The following GFPT1 variants were observed in gnomAD, a reference collection of about 807,000 sequenced individuals.
GFPT1 encodes the protein glutamine--fructose-6-phosphate transaminase 1.
Under a neutral mutation model 92.0 loss-of-function variants are expected in GFPT1, and 40 were observed. That is an observed-to-expected ratio of 0.43 (90% CI 0.34 to 0.57). The LOEUF is 0.57. Among genes scored for constraint, GFPT1 ranks in the 20% least tolerant of loss-of-function variants. The pLI is 0.02. For synonymous variants in GFPT1, 269 were observed against 280.6 expected (o/e 0.96, Z 0.41); for missense variants, 448 against 869.1 (o/e 0.52, Z 6.09).
chr2:69,338,151 T>A, intron 14 of GFPT1, 96 bp from the exon 15 acceptor site: 1 of 1,074,302 alleles, frequency 9.3e-7, no homozygotes, highest in Non-Finnish European at 1.4e-6. Context: ...TTCAACAATA[T>A]TACTTGTTTT....
At chr2:69,338,869 G>A (rs1212755212) in intron 13 of GFPT1, among the ~76,000 whole-genome samples, 1 of 141,910 alleles carries the variant, frequency 7.0e-6, no homozygotes, top group African/African-American at 2.7e-5. Context: ...GTGCCATCTC[G>A]GCTCACCGTA....
intron 9 of GFPT1, 36 bp from the exon 10 acceptor site, chr2:69,350,219 T>C: frequency 3.1e-6 from 4 of 1,291,136 alleles, no homozygotes; most frequent in Non-Finnish European, 4.5e-6. Context: ...GGCAAACATG[T>C]AGAAAATCAT....
intron 4 of GFPT1, among the ~76,000 whole-genome samples, chr2:69,359,702 T>C (rs773518382): frequency 3.3e-5 from 5 of 152,228 alleles, no homozygotes; most frequent in African/African-American, 1.2e-4. Flanking sequence ...TAAATATTCT[T>C]CTTATTTCTC....
intron 3 of GFPT1, among the ~76,000 whole-genome samples, chr2:69,367,030 T>C (rs908388936): frequency 2.0e-5 from 3 of 152,218 alleles, no homozygotes; most frequent in African/African-American, 4.8e-5. Context: ...AGATCTAAAA[T>C]GTAAAAAATC....
rs199908059 is a variant in GFPT1, at chr2:69,358,288, T to A, written c.543+41A>T. The A allele has an allele frequency of 5.5e-5, 86 of 1,556,534 alleles. No individual in the cohort carries two copies. The African/African-American group carries it at 8.8e-4, about 16-fold the overall frequency. On this transcript the variant is annotated intron_variant, in intron 6 of 19. Transcript: ENST00000357308. ...TTAATTTCCAGAAAGTTTCTCAGCA[T>A]TAATGTTGGCATAATTATCTTTAAA...
rs537658825 is a variant in GFPT1 at position 69,357,946 on chromosome 2, G to T, written c.543+383C>A. ...GTGGTAGCTGTGAAGCTACTATTGT[G>T]CTAAGTTATTGGTTGAGAAGAACAC... On this transcript the variant is annotated intron_variant, in intron 6 of 19. Coordinates refer to ENST00000357308, the MANE Select transcript of GFPT1 (RefSeq NM_001244710.2). 2.6e-5 allele frequency among the ~76,000 whole-genome samples: 4 copies of T among 152,258 alleles called. No homozygotes were observed. In the East Asian group the frequency reaches 7.7e-4, roughly 29 times the overall value.
chr2:69,360,891 T>C (rs1671456909), intron 4 of GFPT1, among the ~76,000 whole-genome samples: 2 of 151,992 alleles, frequency 1.3e-5, no homozygotes, highest in Non-Finnish European at 1.5e-5. Flanking sequence ...CATGCCACCA[T>C]ACCCAGCTAA....
chr2:69,374,121 T>A lies in GFPT1; in HGVS notation c.8-8A>T. The A allele has an allele frequency of 7.7e-7, 1 of 1,295,876 alleles. No individual in the cohort carries two copies. Among genetic ancestry groups the A allele is most frequent in the Non-Finnish European group, 1.1e-6 (1 of 894,864 alleles). 80.3% of individuals were successfully genotyped at this position (1,295,876 alleles called of 1,614,324 possible). A position where few individuals can be genotyped will look rare whatever the true frequency, so the allele number is the denominator to read the frequency against. The stretch of plus-strand genomic sequence containing the variant: ...TTAAGTAAGCAAATATACCTGCAAA[T>A]AAACAAATATTTAATGAAAAATTCT... On this transcript the variant is annotated splice_polypyrimidine_tract_variant and splice_region_variant and intron_variant, in intron 1 of 19. Coordinates refer to ENST00000357308, the MANE Select transcript of GFPT1 (RefSeq NM_001244710.2).
At chr2:69,350,269 G>T in intron 9 of GFPT1, 86 bp from the exon 10 acceptor site, 1 of 904,572 alleles carries the variant, frequency 1.1e-6, no homozygotes. Context: ...ATAAAATCAA[G>T]AAAAAATCAT....
intron 12 of GFPT1, among the ~76,000 whole-genome samples, chr2:69,345,189 G>C (rs979076260): frequency 6.6e-6 from 1 of 152,062 alleles, no homozygotes; most frequent in East Asian, 1.9e-4. Context: ...CCGGGAGGCA[G>C]CAGTTGCGGT....
At chr2:69,360,485 C>T (rs1462371071) in intron 4 of GFPT1, among the ~76,000 whole-genome samples, 2 of 146,974 alleles carry the variant, frequency 1.4e-5, no homozygotes, top group East Asian at 3.9e-4. Context: ...TGTCACCAAG[C>T]TGGAGTACAG....
intron 1 of GFPT1, among the ~76,000 whole-genome samples, chr2:69,375,387 T>G (rs1671846885): frequency 6.6e-6 from 1 of 152,164 alleles, no homozygotes; most frequent in Non-Finnish European, 1.5e-5. Context: ...TTCTATAGAG[T>G]GTGATCCTAC....
At chr2:69,342,041 A>G in intron 13 of GFPT1, 111 bp downstream of exon 13, 2 of 626,544 alleles carry the variant, frequency 3.2e-6, no homozygotes, top group Middle Eastern at 3.0e-4. Flanking sequence ...CAAAAGGGAA[A>G]AGATAACACA....
At position 69,325,952 on chromosome 2, in the gene GFPT1, C is replaced by T; in HGVS notation, c.*237G>A. ...AAAGAAAATAATAGCTAGAATCTTT[C>T]TGATACAGATTCCAATATAGATTCC... is the stretch of plus-strand genomic sequence containing the variant. On this transcript the variant is annotated 3_prime_UTR_variant, in exon 20 of 20. Coordinates refer to ENST00000357308, the MANE Select transcript of GFPT1 (RefSeq NM_001244710.2). 2.1e-6 allele frequency: 1 copy of T among 465,828 alleles called. No homozygotes were observed. Among genetic ancestry groups the T allele is most frequent in the South Asian group, 3.5e-5 (1 of 28,390 alleles). The allele number at this position is 465,828 out of a possible 1,614,324, so 28.9% of individuals were successfully genotyped here. A position where few individuals can be genotyped will look rare whatever the true frequency, so the allele number is the denominator to read the frequency against.
Position 69,387,074 on chromosome 2 carries a change from T to C in GFPT1, c.-3A>G, listed in dbSNP as rs1672147455. The stretch of plus-strand genomic sequence containing the variant: ...CTCCCGGCCCCCTTACCACACATGA[T>C]GCCGGAGACACGGCCCGCGAGGCCA... On this transcript the variant is annotated 5_prime_UTR_variant, in exon 1 of 20. Coordinates refer to ENST00000357308, the MANE Select transcript of GFPT1 (RefSeq NM_001244710.2). 6.5e-7 allele frequency: 1 copy of C among 1,537,620 alleles called. No homozygotes were observed. The highest frequency in any genetic ancestry group is 8.7e-7 in the Non-Finnish European group (1 of 1,146,626).
At chr2:69,348,052 A>G (rs1671125062) in intron 11 of GFPT1, 119 bp downstream of exon 11, 7 of 850,374 alleles carry the variant, frequency 8.2e-6, no homozygotes, top group Non-Finnish European at 1.4e-5. Flanking sequence ...TTGTCCCTTC[A>G]CTAATCATGT....
intron 7 of GFPT1, among the ~76,000 whole-genome samples, chr2:69,355,752 A>G (rs564879797): frequency 3.7e-4 from 56 of 152,238 alleles, no homozygotes; most frequent in African/African-American, 1.3e-3. Context: ...TCTTACCATA[A>G]TATCTTAGGG....
Position 69,358,431 on chromosome 2 carries a change from T to C in GFPT1, c.441A>G (p.Thr147=), listed in dbSNP as rs762575456. Residue 147 remains threonine, a synonymous_variant, in exon 6 of 20, where the codon ACA becomes ACG. Coordinates refer to ENST00000357308, the MANE Select transcript of GFPT1 (RefSeq NM_001244710.2). Reference sequence around the variant, plus strand: ...CGAGCTTGGCAATTGTCTCTGTGTCTGTTTCAGATTCGAAGTCATAGCCTT... The same window carrying C: ...CGAGCTTGGCAATTGTCTCTGTGTCCGTTTCAGATTCGAAGTCATAGCCTT... ...ESKGYDFESE[T]DTETIAKLVK... is the part of the protein sequence containing the mutation. 5.6e-6 allele frequency: 9 copies of C among 1,609,858 alleles called. No homozygotes were observed. The highest frequency in any genetic ancestry group is 1.1e-5 in the South Asian group (1 of 90,968).
chr2:69,359,140 T>C (rs896146408), intron 5 of GFPT1, 128 bp downstream of exon 5: 18 of 705,516 alleles, frequency 2.6e-5, no homozygotes, highest in Admixed American at 6.1e-5. Context: ...CACCGTGCCC[T>C]TGGAATTGTC....
Sources: allele counts gnomAD v4.1 joint callset (sites outside exome capture counted in the v4.1 genomes callset), GRCh38; gene constraint gnomAD v4.1.1; transcripts MANE v1.5; gene names NCBI Gene and HGNC (gene_info 2026-07-23, HGNC 2026-07-21).